KCNJ3: variants seen among roughly 807,000 people sequenced by gnomAD.
The protein encoded by KCNJ3 is G protein-activated inward rectifier potassium channel 1.
In KCNJ3, 4 loss-of-function variants were observed where a neutral mutation model predicts 39.2. The ratio of observed to expected loss-of-function variants is 0.10; its 90% CI spans 0.05 to 0.23. The LOEUF (loss-of-function observed/expected upper bound fraction) is 0.23, where lower values mean the gene tolerates loss of function less well. KCNJ3 is among the 10% of genes least tolerant of loss of function. The pLI is 1.00. For missense variants in KCNJ3, 276 were observed against 634.9 expected (o/e 0.43, Z 6.08); for synonymous variants, 230 against 237.4 (o/e 0.97, Z 0.29).
chr2:154,727,323 C>T (rs141556115), intron 2 of KCNJ3, among the ~76,000 whole-genome samples: 2,832 of 151,840 alleles, frequency 0.019, 83 homozygotes, highest in African/African-American at 0.065. Flanking sequence ...TGGTGGCTCA[C>T]GCCTGTAATC....
intron 2 of KCNJ3, among the ~76,000 whole-genome samples, chr2:154,784,037 C>G (rs1340017446): frequency 2.0e-5 from 3 of 151,996 alleles, no homozygotes; most frequent in Admixed American, 1.3e-4. Context: ...AAATTTCTTG[C>G]TGGGTGATAA....
intron 2 of KCNJ3, among the ~76,000 whole-genome samples, chr2:154,851,113 G>T (rs537958905): frequency 6.6e-6 from 1 of 151,866 alleles, no homozygotes; most frequent in East Asian, 1.9e-4. Context: ...TTGGTGGCTC[G>T]TACCTGTCAT....
At chr2:154,751,543 T>C (rs1008968401) in intron 2 of KCNJ3, among the ~76,000 whole-genome samples, 1 of 152,098 alleles carries the variant, frequency 6.6e-6, no homozygotes, top group Non-Finnish European at 1.5e-5. Flanking sequence ...TGTGCCTTTC[T>C]GTGTATTTAT....
intron 1 of KCNJ3, among the ~76,000 whole-genome samples, chr2:154,703,874 A>G (rs1179975189): frequency 2.6e-5 from 4 of 152,080 alleles, no homozygotes; most frequent in African/African-American, 9.7e-5. Context: ...ATGAATGTCT[A>G]TATTTGTAAA....
At chr2:154,812,299 C>A (rs1348002088) in intron 2 of KCNJ3, among the ~76,000 whole-genome samples, 1 of 152,066 alleles carries the variant, frequency 6.6e-6, no homozygotes, top group African/African-American at 2.4e-5. Context: ...CCAGTAGAAC[C>A]AAGCAGACAC....
chr2:154,847,701 T>C (rs763411118), intron 2 of KCNJ3, among the ~76,000 whole-genome samples: 1 of 152,220 alleles, frequency 6.6e-6, no homozygotes, highest in Non-Finnish European at 1.5e-5. Flanking sequence ...AGTTTACATA[T>C]GTCACTTAAT....
At chr2:154,709,198 T>A (rs1210937624) in intron 1 of KCNJ3, 4 of 196,152 alleles carry the variant, frequency 2.0e-5, no homozygotes, top group Admixed American at 5.3e-5. Flanking sequence ...TTTAACACAC[T>A]CCATAAGAAT....
chr2:154,737,559 C>T (rs1273359926), intron 2 of KCNJ3, among the ~76,000 whole-genome samples: 1 of 152,100 alleles, frequency 6.6e-6, no homozygotes, highest in African/African-American at 2.4e-5. Flanking sequence ...AAACTATATT[C>T]CTTATGTGCA....
chr2:154,819,111 A>T (rs1189676067), intron 2 of KCNJ3, among the ~76,000 whole-genome samples: 1 of 151,828 alleles, frequency 6.6e-6, no homozygotes, highest in East Asian at 1.9e-4. Flanking sequence ...AGCCTGAGAG[A>T]CATAGTGAAA....
intron 2 of KCNJ3, among the ~76,000 whole-genome samples, chr2:154,785,599 G>A (rs150280789): frequency 6.2e-4 from 94 of 152,280 alleles, no homozygotes; most frequent in Non-Finnish European, 1.1e-3. Context: ...CCCACACCAT[G>A]TGATGCCTTT....
At chr2:154,745,673 A>G (rs752386479) in intron 2 of KCNJ3, among the ~76,000 whole-genome samples, 1 of 152,006 alleles carries the variant, frequency 6.6e-6, no homozygotes, top group Non-Finnish European at 1.5e-5. Flanking sequence ...CACTTTTGGC[A>G]TCTTCATTTG....
intron 2 of KCNJ3, among the ~76,000 whole-genome samples, chr2:154,726,007 C>T (rs1431607378): frequency 1.3e-5 from 2 of 152,128 alleles, no homozygotes; most frequent in Non-Finnish European, 2.9e-5. Flanking sequence ...CATAAAAATT[C>T]TAGAAGATAA....
Position 154,836,206 on chromosome 2 carries a change from TCAAAAAAAAAAACAAAAAAAAA to T in KCNJ3, c.920-18495_920-18474del, listed in dbSNP as rs1333978655. ...GCCTAGGTGACAGAGCAAGACTGTC[TCAAAAAAAAAAACAAAAAAAAA>T]CAAAAAAAAAAACAAAAAAAAACAA... On this transcript the variant is annotated intron_variant, in intron 2 of 2. Coordinates refer to ENST00000295101, the MANE Select transcript of KCNJ3 (RefSeq NM_002239.4). 1.4e-4 allele frequency among the ~76,000 whole-genome samples: 11 copies of T among 78,622 alleles called. No homozygotes were observed. The East Asian group carries it at 2.8e-3, about 20-fold the overall frequency. 51.6% of individuals were successfully genotyped at this position (78,622 alleles called of 152,430 possible).
rs546038652 is a variant in KCNJ3, at chr2:154,727,591, C to CAAAAAAAA, written c.919+17784_919+17791dup. 5.4e-4 allele frequency among the ~76,000 whole-genome samples: 49 copies of CAAAAAAAA among 91,324 alleles called. 1 individual carries two copies. The highest frequency in any genetic ancestry group is 4.7e-3 in the South Asian group (11 of 2,324). 59.9% of individuals were successfully genotyped at this position (91,324 alleles called of 152,430 possible). ...CTGGGAAGCAAGAGCGAAACTCCGT[C>CAAAAAAAA]AAAAAAAAAAAAAAAAAAAGAGAGA... On this transcript the variant is annotated intron_variant, in intron 2 of 2. Coordinates refer to ENST00000295101, the MANE Select transcript of KCNJ3 (RefSeq NM_002239.4).
In KCNJ3 at chr2:154,792,153, G is replaced by A. The variant is rs577172154; in HGVS notation, c.920-62574G>A. On this transcript the variant is annotated intron_variant, in intron 2 of 2. Transcript: ENST00000295101. ...CAAGGCCCTGACTATTCCTTCACCT[G>A]TGCCTTTTCTCAGGATTGTTTATGC... 2.8e-4 allele frequency among the ~76,000 whole-genome samples: 42 copies of A among 152,122 alleles called. 1 individual carries two copies. Among genetic ancestry groups the A allele is most frequent in the African/African-American group, 9.6e-4 (40 of 41,526 alleles).
At chr2:154,751,254 A>G (rs1171286509) in intron 2 of KCNJ3, among the ~76,000 whole-genome samples, 1 of 152,058 alleles carries the variant, frequency 6.6e-6, no homozygotes, top group East Asian at 1.9e-4. Flanking sequence ...TGTTTTTAAT[A>G]TATGCTATAC....
intron 2 of KCNJ3, among the ~76,000 whole-genome samples, chr2:154,765,956 C>T (rs940929625): frequency 1.3e-5 from 2 of 152,084 alleles, no homozygotes; most frequent in African/African-American, 2.4e-5. Context: ...TTCTAAGATT[C>T]CAGAAACGGT....
At chr2:154,785,689 C>T (rs1686518062) in intron 2 of KCNJ3, among the ~76,000 whole-genome samples, 1 of 152,132 alleles carries the variant, frequency 6.6e-6, no homozygotes, top group African/African-American at 2.4e-5. Flanking sequence ...GAAATACATT[C>T]CTTTTCTTTA....
intron 1 of KCNJ3, among the ~76,000 whole-genome samples, chr2:154,700,162 T>G (rs933102653): frequency 6.6e-5 from 10 of 152,252 alleles, no homozygotes; most frequent in African/African-American, 2.4e-4. Context: ...GCTTTTCCTG[T>G]AGAGCCTCTT....
Sources: allele counts gnomAD v4.1 joint callset (sites outside exome capture counted in the v4.1 genomes callset), GRCh38; gene constraint gnomAD v4.1.1; transcripts MANE v1.5; gene names NCBI Gene and HGNC (gene_info 2026-07-23, HGNC 2026-07-21).